TMEM117: variants seen among roughly 807,000 people sequenced by gnomAD.
TMEM117 encodes the protein transmembrane protein 117.
A neutral mutation model predicts 52.4 loss-of-function variants in TMEM117; 27 were observed. The observed-to-expected ratio is 0.51, with a 90% CI of 0.38 to 0.71. The LOEUF (loss-of-function observed/expected upper bound fraction) is 0.71, where lower values mean the gene tolerates loss of function less well. TMEM117 is among the 30% of genes least tolerant of loss of function. TMEM117 has a pLI of 0.00. For synonymous variants in TMEM117, 215 were observed against 206.3 expected (o/e 1.04, Z -0.36); for missense variants, 556 against 630.5 (o/e 0.88, Z 1.26).
intron 6 of TMEM117, among the ~76,000 whole-genome samples, chr12:44,329,991 T>C (rs1033034921): frequency 2.0e-5 from 3 of 152,104 alleles, no homozygotes; most frequent in Non-Finnish European, 4.4e-5. Context: ...GAAATGTCTG[T>C]TCAAGTTCCT....
At chr12:44,317,002 C>CTT (rs1202276425) in intron 6 of TMEM117, among the ~76,000 whole-genome samples, 37 of 121,492 alleles carry the variant, frequency 3.0e-4, no homozygotes, top group African/African-American at 5.4e-4. Context: ...TTTTCTTTTT[C>CTT]TTTTTTTTTT....
chr12:43,812,002 C>G, the TMEM117 span, among the ~76,000 whole-genome samples: 7 of 152,030 alleles, frequency 4.6e-5, no homozygotes, highest in Non-Finnish European at 8.8e-5. Context: ...ATACATATAT[C>G]TTCTGAATTT....
chr12:44,225,161 C>T (rs1949844504), intron 5 of TMEM117, among the ~76,000 whole-genome samples: 1 of 152,128 alleles, frequency 6.6e-6, no homozygotes, highest in Non-Finnish European at 1.5e-5. Flanking sequence ...AAGAAAAATA[C>T]TTAGTATACT....
At chr12:44,029,108 G>A (rs1026664810) in intron 3 of TMEM117, among the ~76,000 whole-genome samples, 1 of 152,182 alleles carries the variant, frequency 6.6e-6, no homozygotes, top group Non-Finnish European at 1.5e-5. Context: ...GGGAGTTAGA[G>A]TGTCTCCTAA....
intron 3 of TMEM117, among the ~76,000 whole-genome samples, chr12:43,945,463 G>C (rs1945116617): frequency 6.6e-6 from 1 of 152,116 alleles, no homozygotes; most frequent in African/African-American, 2.4e-5. Flanking sequence ...TGAGATTATA[G>C]GCGCCTGCCA....
At chr12:44,242,265 T>C (rs2078598009) in intron 5 of TMEM117, among the ~76,000 whole-genome samples, 1 of 151,746 alleles carries the variant, frequency 6.6e-6, no homozygotes, top group African/African-American at 2.4e-5. Context: ...CAATAGTTAT[T>C]TTTTTTCTAC....
rs185311967 is a variant in TMEM117, at chr12:43,852,303, C to T, written c.277+7375C>T. On this transcript the variant is annotated intron_variant, in intron 2 of 7. Coordinates refer to ENST00000266534, the MANE Select transcript of TMEM117 (RefSeq NM_032256.3). ...AAAATTAGCCAGGCGTGTTGGTGGG[C>T]GCCTGTAGTCCCAGCTAGTGGGGAG... Among the ~76,000 whole-genome samples, 294 of 152,256 alleles carry T rather than the reference C, an allele frequency of 1.9e-3. 1 individual carries two copies. The highest frequency in any genetic ancestry group is 6.8e-3 in the Middle Eastern group (2 of 294).
At chr12:44,267,785 C>T (rs1950397052) in intron 5 of TMEM117, among the ~76,000 whole-genome samples, 1 of 152,102 alleles carries the variant, frequency 6.6e-6, no homozygotes, top group South Asian at 2.1e-4. Flanking sequence ...GTCTGACTTA[C>T]TTTATTCAAC....
At chr12:44,204,301 A>G (rs796390616) in intron 4 of TMEM117, among the ~76,000 whole-genome samples, 2 of 152,292 alleles carry the variant, frequency 1.3e-5, no homozygotes, top group African/African-American at 4.8e-5. Context: ...AATTGAGAAC[A>G]CAATCTCATT....
chr12:43,802,663 T>C, the TMEM117 span, among the ~76,000 whole-genome samples: 3 of 152,186 alleles, frequency 2.0e-5, no homozygotes, highest in African/African-American at 7.2e-5. Flanking sequence ...TTTATGAACA[T>C]GGTTAAAATG....
chr12:43,869,379 A>C (rs1194757849), intron 2 of TMEM117, among the ~76,000 whole-genome samples: 2 of 152,242 alleles, frequency 1.3e-5, no homozygotes, highest in Non-Finnish European at 2.9e-5. Context: ...TGAGCACTTT[A>C]TAAATAATAA....
intron 3 of TMEM117, among the ~76,000 whole-genome samples, chr12:44,012,636 G>T (rs2137811872): frequency 6.6e-6 from 1 of 151,512 alleles, no homozygotes; most frequent in Admixed American, 6.6e-5. Context: ...TGATCCACTT[G>T]TTTTGATCTG....
Position 44,197,715 on chromosome 12 carries a change from T to G in TMEM117, c.511-13575T>G, listed in dbSNP as rs79457243. Among the ~76,000 whole-genome samples, 232 of 152,316 alleles carry G rather than the reference T, an allele frequency of 1.5e-3. 2 individuals are homozygous for G. Among genetic ancestry groups the G allele is most frequent in the Admixed American group, 0.012 (187 of 15,300 alleles). On this transcript the variant is annotated intron_variant, in intron 4 of 7. Transcript: ENST00000266534. ...AAAGGTACTTTTTGATTGTGTATAT[T>G]TCTGTATTCAGATGATTCAGGTGTC... is the stretch of plus-strand genomic sequence containing the variant.
chr12:44,035,396 A>G (rs1210984038), intron 3 of TMEM117, among the ~76,000 whole-genome samples: 3 of 152,188 alleles, frequency 2.0e-5, no homozygotes, highest in Non-Finnish European at 4.4e-5. Context: ...TGTATGCGCA[A>G]TGCTGGACAT....
At chr12:43,973,912 T>G (rs1012026738) in intron 3 of TMEM117, among the ~76,000 whole-genome samples, 3 of 152,170 alleles carry the variant, frequency 2.0e-5, no homozygotes, top group Non-Finnish European at 4.4e-5. Flanking sequence ...AAATGTTTGC[T>G]TGGGTAGTGA....
intron 6 of TMEM117, among the ~76,000 whole-genome samples, chr12:44,338,432 T>G (rs1470802509): frequency 1.3e-5 from 2 of 152,010 alleles, no homozygotes; most frequent in Non-Finnish European, 2.9e-5. Flanking sequence ...GGTAATACAC[T>G]GCATTATGAA....
chr12:44,305,002 A>T (rs1322808891), intron 6 of TMEM117, among the ~76,000 whole-genome samples: 1 of 152,158 alleles, frequency 6.6e-6, no homozygotes, highest in African/African-American at 2.4e-5. Flanking sequence ...TAGAGCACAG[A>T]GTTGGCTCCT....
At chr12:44,134,608 A>G (rs931892973) in intron 3 of TMEM117, among the ~76,000 whole-genome samples, 1 of 152,200 alleles carries the variant, frequency 6.6e-6, no homozygotes, top group South Asian at 2.1e-4. Flanking sequence ...ACATCTGTTT[A>G]TCTTCGTTCT....
At chr12:44,280,069 T>G (rs1405194940) in intron 5 of TMEM117, among the ~76,000 whole-genome samples, 1 of 152,176 alleles carries the variant, frequency 6.6e-6, no homozygotes. Context: ...TCTATTTTTG[T>G]TTTTCCCTAT....
Sources: gnomAD v4.1 joint callset for allele counts (sites outside exome capture counted in the v4.1 genomes callset) on GRCh38, gnomAD v4.1.1 for gene constraint, MANE v1.5 for transcripts, NCBI Gene and HGNC (gene_info 2026-07-23, HGNC 2026-07-21) for gene names.